The following RGS6 variants were observed in gnomAD, a reference collection of about 807,000 sequenced individuals.
RGS6 encodes regulator of G protein signaling 6.
Under a neutral mutation model 78.5 loss-of-function variants are expected in RGS6, and 30 were observed. The observed-to-expected ratio is 0.38, with a 90% CI of 0.29 to 0.52. The LOEUF (loss-of-function observed/expected upper bound fraction) is 0.52, where lower values mean the gene tolerates loss of function less well. Ranked by LOEUF, RGS6 falls within the 20% of genes least tolerant of loss-of-function variation. RGS6 has a pLI of 0.85. For missense variants in RGS6, 495 were observed against 609.7 expected (o/e 0.81, Z 1.98); for synonymous variants, 206 against 206.0 (o/e 1.00, Z 0.00).
chr14:72,087,651 A>G (rs1251739516), intron 2 of RGS6, among the ~76,000 whole-genome samples: 1 of 151,934 alleles, frequency 6.6e-6, no homozygotes, highest in Admixed American at 6.6e-5. Context: ...AAGGAAGAAA[A>G]CAGACAAAAT....
chr14:72,133,703 C>A (rs181551847), intron 2 of RGS6, among the ~76,000 whole-genome samples: 1 of 152,126 alleles, frequency 6.6e-6, no homozygotes, highest in African/African-American at 2.4e-5. Context: ...ACTGCCTCTT[C>A]CTCCACTGTC....
At chr14:71,880,972 A>T in the RGS6 span, among the ~76,000 whole-genome samples, 1 of 152,220 alleles carries the variant, frequency 6.6e-6, no homozygotes. Flanking sequence ...GTACCCTGCA[A>T]AGCCACAGGG....
chr14:72,052,454 G>A (rs776486912), intron 2 of RGS6, among the ~76,000 whole-genome samples: 36 of 152,182 alleles, frequency 2.4e-4, no homozygotes, highest in Non-Finnish European at 4.7e-4. Context: ...TCAGTGAGCA[G>A]CTTCTCCCCA....
chr14:72,616,418 T>C, the RGS6 span, among the ~76,000 whole-genome samples: 1 of 152,174 alleles, frequency 6.6e-6, no homozygotes, highest in African/African-American at 2.4e-5. Flanking sequence ...AGTCATGATT[T>C]CCTTGGTCGC....
chr14:72,350,829 ATC>A (rs2078984828), intron 2 of RGS6, among the ~76,000 whole-genome samples: 1 of 152,206 alleles, frequency 6.6e-6, no homozygotes, highest in African/African-American at 2.4e-5. Flanking sequence ...TAATAGTAGA[ATC>A]TATTTCATCA....
intron 2 of RGS6, among the ~76,000 whole-genome samples, chr14:71,992,956 C>G (rs2095030478): frequency 6.6e-6 from 1 of 152,096 alleles, no homozygotes; most frequent in Non-Finnish European, 1.5e-5. Flanking sequence ...GAGCATTTGT[C>G]TTCTCTATTA....
chr14:72,281,392 G>A (rs1450524491), intron 2 of RGS6, among the ~76,000 whole-genome samples: 6 of 151,888 alleles, frequency 4.0e-5, no homozygotes, highest in Non-Finnish European at 5.9e-5. Context: ...CAGGTGATCC[G>A]CCTACCTCGG....
chr14:71,959,694 G>A (rs975525671), intron 1 of RGS6, among the ~76,000 whole-genome samples: 1 of 152,052 alleles, frequency 6.6e-6, no homozygotes, highest in Non-Finnish European at 1.5e-5. Context: ...ACATCTGAGG[G>A]TGGGGGTTGG....
At chr14:72,397,967 G>A (rs948918685) in intron 3 of RGS6, among the ~76,000 whole-genome samples, 4 of 152,114 alleles carry the variant, frequency 2.6e-5, no homozygotes, top group Admixed American at 2.6e-4. Flanking sequence ...ATTTTACCGA[G>A]AATTTTTGCA....
the RGS6 span, among the ~76,000 whole-genome samples, chr14:71,872,111 C>T: frequency 6.6e-6 from 1 of 152,168 alleles, no homozygotes; most frequent in Non-Finnish European, 1.5e-5. Flanking sequence ...CTGGTTTAGA[C>T]AGAAGTTGAT....
chr14:72,024,770 C>T (rs2089492494), intron 2 of RGS6, among the ~76,000 whole-genome samples: 1 of 152,130 alleles, frequency 6.6e-6, no homozygotes, highest in South Asian at 2.1e-4. Context: ...ACAGTCTGCC[C>T]TTAGGTTGTG....
chr14:72,343,636 T>TC (rs199909617), intron 2 of RGS6, among the ~76,000 whole-genome samples: 7 of 113,104 alleles, frequency 6.2e-5, no homozygotes, highest in African/African-American at 2.6e-4. Flanking sequence ...TGGCCCCGTT[T>TC]TCGTATCTTC....
At chr14:72,425,807 A>G (rs1426826999) in intron 3 of RGS6, among the ~76,000 whole-genome samples, 1 of 152,238 alleles carries the variant, frequency 6.6e-6, no homozygotes, top group Non-Finnish European at 1.5e-5. Context: ...TAAGGAAATT[A>G]TAGGAGGCAT....
chr14:71,904,790 C>T, the RGS6 span, among the ~76,000 whole-genome samples: 42 of 106,082 alleles, frequency 4.0e-4, no homozygotes, highest in Non-Finnish European at 8.6e-4. Context: ...TTCTAATAAC[C>T]CGAATATTTC....
chr14:71,870,446 A>G, the RGS6 span, among the ~76,000 whole-genome samples: 1 of 152,108 alleles, frequency 6.6e-6, no homozygotes, highest in Non-Finnish European at 1.5e-5. Flanking sequence ...GTGATTTTGC[A>G]TATGGCCCCT....
intron 3 of RGS6, among the ~76,000 whole-genome samples, chr14:72,425,121 G>T (rs945799265): frequency 6.6e-6 from 1 of 152,168 alleles, no homozygotes; most frequent in Non-Finnish European, 1.5e-5. Context: ...ATAAAAGAAA[G>T]AATTGATGGA....
At chr14:72,314,652 T>G (rs553505209) in intron 2 of RGS6, among the ~76,000 whole-genome samples, 2 of 152,350 alleles carry the variant, frequency 1.3e-5, no homozygotes, top group Non-Finnish European at 2.9e-5. Flanking sequence ...ATCTTGAGTT[T>G]AGAGATTTTG....
intron 12 of RGS6, among the ~76,000 whole-genome samples, chr14:72,485,521 G>A (rs1446575922): frequency 1.3e-5 from 2 of 152,154 alleles, no homozygotes; most frequent in African/African-American, 4.8e-5. Flanking sequence ...CTTGTAATCT[G>A]TACACTACCA....
intron 2 of RGS6, among the ~76,000 whole-genome samples, chr14:72,187,827 C>T (rs1015001816): frequency 4.6e-5 from 7 of 152,082 alleles, no homozygotes; most frequent in Non-Finnish European, 8.8e-5. Context: ...AAAATGTCTT[C>T]GTAACGGCAA....
Sources: gnomAD v4.1 joint callset for allele counts (sites outside exome capture counted in the v4.1 genomes callset) on GRCh38, gnomAD v4.1.1 for gene constraint, MANE v1.5 for transcripts, NCBI Gene and HGNC (gene_info 2026-07-23, HGNC 2026-07-21) for gene names.